Variants in CCDC146 observed in about 807,000 individuals in gnomAD.
CCDC146 encodes coiled-coil domain containing 146.
CCDC146 carries 92 observed loss-of-function variants against 119.3 expected under a neutral mutation model. The observed-to-expected ratio is 0.77, with a 90% CI of 0.65 to 0.92. CCDC146 has a LOEUF of 0.92. Ranked by LOEUF, CCDC146 falls within the 40% of genes least tolerant of loss-of-function variation. CCDC146 has a pLI of 0.00. For synonymous variants in CCDC146, 372 were observed against 371.8 expected (o/e 1.00, Z -0.01); for missense variants, 1,000 against 1,103.0 (o/e 0.91, Z 1.32).
chr7:77,129,963 A>G (rs1354964021), intron 1 of CCDC146, among the ~76,000 whole-genome samples: 1 of 152,068 alleles, frequency 6.6e-6, no homozygotes, highest in African/African-American at 2.4e-5. Flanking sequence ...CTTGCATTCA[A>G]CTAACCCTAT....
intron 1 of CCDC146, among the ~76,000 whole-genome samples, chr7:77,160,982 G>T (rs1429238648): frequency 6.6e-6 from 1 of 152,186 alleles, no homozygotes; most frequent in Non-Finnish European, 1.5e-5. Context: ...CGAAGGACAT[G>T]AACAGACACT....
chr7:77,211,723 C>T (rs1260480291), intron 2 of CCDC146, among the ~76,000 whole-genome samples: 1 of 152,100 alleles, frequency 6.6e-6, no homozygotes, highest in African/African-American at 2.4e-5. Flanking sequence ...TCAAATGATT[C>T]TCCTGCCTCA....
chr7:77,274,034 A>G (rs1380056427), intron 10 of CCDC146, among the ~76,000 whole-genome samples: 1 of 152,244 alleles, frequency 6.6e-6, no homozygotes, highest in Non-Finnish European at 1.5e-5. Flanking sequence ...TGGGCTGTTG[A>G]TTACATTAAA....
chr7:77,246,125 T>A (rs1210758117), intron 4 of CCDC146, among the ~76,000 whole-genome samples: 3 of 151,700 alleles, frequency 2.0e-5, no homozygotes, highest in Non-Finnish European at 4.4e-5. Context: ...CCAAAGGTGG[T>A]TCTCAGCCCT....
chr7:77,192,036 C>T (rs1791776537), intron 2 of CCDC146, among the ~76,000 whole-genome samples: 2 of 152,164 alleles, frequency 1.3e-5, no homozygotes, highest in Admixed American at 1.3e-4. Context: ...AAGCAATTCT[C>T]CTGCCTCAGC....
chr7:77,178,722 T>C (rs1415058254), intron 2 of CCDC146, among the ~76,000 whole-genome samples: 2 of 152,236 alleles, frequency 1.3e-5, no homozygotes, highest in Non-Finnish European at 2.9e-5. Flanking sequence ...GCTTTCTAAA[T>C]AGTCGCTGAA....
Position 77,122,960 on chromosome 7 carries a change from G to C in CCDC146, c.-12+228G>C, listed in dbSNP as rs569020476. On this transcript the variant is annotated intron_variant, in intron 1 of 18. Transcript: ENST00000285871. Reference sequence around the variant, plus strand: ...AGGAATAGAGTACTTGCTCCGTCCTGACCCTAAGTGACCTTACTTTGGGTT... The same window carrying C: ...AGGAATAGAGTACTTGCTCCGTCCTCACCCTAAGTGACCTTACTTTGGGTT... Among the ~76,000 whole-genome samples, 167 of 150,246 alleles carry C rather than the reference G, an allele frequency of 1.1e-3. 7 individuals are homozygous for C. In the South Asian group the frequency reaches 0.033, roughly 30 times the overall value.
chr7:77,127,068 A>G (rs531904923), intron 1 of CCDC146, among the ~76,000 whole-genome samples: 1 of 152,260 alleles, frequency 6.6e-6, no homozygotes, highest in Admixed American at 6.5e-5. Context: ...CCAAGCCTGC[A>G]GGGATGGGGG....
chr7:77,167,500 G>A (rs1362660508), intron 1 of CCDC146, among the ~76,000 whole-genome samples, 158 bp from the exon 2 acceptor site: 2 of 152,030 alleles, frequency 1.3e-5, no homozygotes, highest in Non-Finnish European at 2.9e-5. Flanking sequence ...GCAAAAAACA[G>A]TCTTTTATAA....
At chr7:77,135,753 C>T (rs1044178811) in intron 1 of CCDC146, among the ~76,000 whole-genome samples, 6 of 152,050 alleles carry the variant, frequency 3.9e-5, no homozygotes, top group Non-Finnish European at 8.8e-5. Flanking sequence ...CAAGACCCAA[C>T]CATAGGATGT....
Position 77,274,642 on chromosome 7 carries a change from T to A in CCDC146, c.1430T>A (p.Leu477Gln). Residue 477 changes from leucine (L) to glutamine (Q), a missense_variant, in exon 11 of 19, where the codon CTG becomes CAG. Around this residue, in one of 2 missense-constraint regions of CCDC146, gnomAD observed 985 missense variants for 1,045.3 expected, o/e 0.94. Transcript: ENST00000285871. ...AAGGAACAAAAGTCCAAGGATTTCC[T>A]GAAAGCTCAGGTAACTGCATTTTTT... The part of the protein sequence containing the change: ...DEKEQKSKDF[L>Q]KAQQKYTNIV... 4 of 1,608,590 alleles carry A rather than the reference T, an allele frequency of 2.5e-6. No individual in the cohort carries two copies. Among genetic ancestry groups the A allele is most frequent in the Non-Finnish European group, 3.4e-6 (4 of 1,178,450 alleles).
chr7:77,256,500 C>G lies in CCDC146; in HGVS notation c.675C>G (p.Val225=). The G allele has an allele frequency of 6.2e-7, 1 of 1,605,314 alleles. No individual in the cohort carries two copies. The highest frequency in any genetic ancestry group is 1.1e-5 in the South Asian group (1 of 88,628). ...KELEELLGHQ[V]VLKDEVAHHQ... ...TAGAAGAATTGTTGGGACATCAGGTCGTCCTAAAGGTGTGCTACTTACCGT... is the reference window on the plus strand; with the variant it reads ...TAGAAGAATTGTTGGGACATCAGGTGGTCCTAAAGGTGTGCTACTTACCGT... Residue 225 remains valine (V), a synonymous_variant, in exon 6 of 19, where the codon GTC becomes GTG. Coordinates refer to ENST00000285871, the MANE Select transcript of CCDC146 (RefSeq NM_020879.3).
chr7:77,229,914 C>A (rs1393227116), intron 2 of CCDC146, among the ~76,000 whole-genome samples: 1 of 152,118 alleles, frequency 6.6e-6, no homozygotes, highest in Non-Finnish European at 1.5e-5. Flanking sequence ...TTCCGTGACA[C>A]CAAAGAAACC....
Position 77,286,903 on chromosome 7 carries a change from G to C in CCDC146, c.2254G>C (p.Glu752Gln). 1 of 1,614,070 alleles carries C rather than the reference G, an allele frequency of 6.2e-7. No individual in the cohort carries two copies. The highest frequency in any genetic ancestry group is 8.5e-7 in the Non-Finnish European group (1 of 1,179,972). The part of the protein sequence containing the change: ...FLPGKDLTEK[E>Q]MIQKLDKLEL... ...TCCAGGGAAAGATCTGACCGAAAAA[G>C]AAATGATCCAAAAATTAGACAAGGT... is the stretch of plus-strand genomic sequence containing the variant. Residue 752 changes from glutamate to glutamine, a missense_variant, in exon 16 of 19, where the codon GAA becomes CAA. This residue lies in a region of CCDC146 where 985 missense variants were observed against 1,045.3 expected (regional missense o/e 0.94). Transcript: ENST00000285871.
intron 4 of CCDC146, among the ~76,000 whole-genome samples, chr7:77,243,085 T>C (rs1325306157): frequency 6.6e-6 from 1 of 152,208 alleles, no homozygotes; most frequent in Non-Finnish European, 1.5e-5. Flanking sequence ...ATTAAAACAA[T>C]TGGTGGTTGT....
intron 1 of CCDC146, among the ~76,000 whole-genome samples, chr7:77,147,282 T>G (rs1791035811): frequency 6.6e-6 from 1 of 152,248 alleles, no homozygotes; most frequent in Non-Finnish European, 1.5e-5. Context: ...AGGACTTCTC[T>G]TCATTGGTTA....
At chr7:77,231,216 A>G (rs1792620916) in intron 2 of CCDC146, among the ~76,000 whole-genome samples, 1 of 152,208 alleles carries the variant, frequency 6.6e-6, no homozygotes, top group African/African-American at 2.4e-5. Flanking sequence ...CTTGTCTTCA[A>G]GTTACCCTTA....
rs867163137 is a variant in CCDC146, at chr7:77,260,195, G to A, written c.945G>A (p.Leu315=). 1.2e-6 allele frequency: 2 copies of A among 1,613,690 alleles called. No homozygotes were observed. The highest frequency in any genetic ancestry group is 2.2e-5 in the South Asian group (2 of 91,042). ...AACATAACCAATTGGTCAAGCTATT[G>A]GAATTAGCCAGAGAGAATGAAGCAA... is the stretch of plus-strand genomic sequence containing the variant. The part of the protein sequence containing the change: ...EREHNQLVKL[L]ELARENEATS... The change falls in exon 8 of 19, where the codon TTG becomes TTA. Residue 315 remains leucine (L), a synonymous_variant. Coordinates refer to ENST00000285871, the MANE Select transcript of CCDC146 (RefSeq NM_020879.3).
At chr7:77,261,591 C>A (rs1262917076) in intron 8 of CCDC146, among the ~76,000 whole-genome samples, 1 of 152,156 alleles carries the variant, frequency 6.6e-6, no homozygotes, top group African/African-American at 2.4e-5. Flanking sequence ...CATTCTCCTG[C>A]CTCAGCCTCC....
Sources: allele counts gnomAD v4.1 joint callset (sites outside exome capture counted in the v4.1 genomes callset), GRCh38; gene constraint gnomAD v4.1.1; regional missense constraint gnomAD v4.1.1; transcripts MANE v1.5; gene names NCBI Gene and HGNC (gene_info 2026-07-23, HGNC 2026-07-21).